Variants in LRCH2 observed in about 807,000 individuals in gnomAD.
LRCH2 encodes leucine rich repeats and calponin homology domain containing 2, also known as leucine-rich repeat and calponin homology domain-containing protein 2.
A neutral mutation model predicts 68.9 loss-of-function variants in LRCH2; 38 were observed. The observed-to-expected ratio is 0.55, with a 90% confidence interval of 0.43 to 0.72. The LOEUF (loss-of-function observed/expected upper bound fraction) is 0.72, where lower values mean the gene tolerates loss of function less well. Among genes scored for constraint, LRCH2 ranks in the 30% least tolerant of loss-of-function variants. The probability of loss-of-function intolerance (pLI) is 0.00; values close to 1 mark genes in which losing one functional copy is unlikely to be tolerated. For missense variants in LRCH2, 528 were observed against 572.9 expected, an observed-to-expected ratio of 0.92 and a Z score of 0.80; for synonymous variants, 191 against 208.1, an observed-to-expected ratio of 0.92 and a Z score of 0.71.
At chrX:115,145,611 A>G (rs2072375248) in intron 14 of LRCH2, among the ~76,000 whole-genome samples, 1 of 112,156 alleles carries the variant, frequency 8.9e-6, no homozygotes, top group African/African-American at 3.2e-5. Flanking sequence ...TAATAGTTAG[A>G]TTAAAACATG....
chrX:115,117,201 A>G (rs1556524355), intron 20 of LRCH2, among the ~76,000 whole-genome samples: 1 of 111,814 alleles, frequency 8.9e-6, no homozygotes, highest in African/African-American at 3.2e-5. Context: ...GATCGGCATC[A>G]TTAGTCTTTA....
In LRCH2 at chrX:115,162,149, G is replaced by T. The variant is rs1165790091; in HGVS notation, c.1463+1527C>A. Among the ~76,000 whole-genome samples, 3 of 110,205 alleles carry T rather than the reference G, an allele frequency of 2.7e-5. No homozygotes were observed. The Admixed American group carries it at 2.9e-4, about 11-fold the overall frequency. On this transcript the variant is annotated intron_variant, in intron 11 of 20. Coordinates refer to ENST00000317135, the MANE Select transcript of LRCH2 (RefSeq NM_020871.4). ...TTGCCCAGGCTGGTCTTGCACTCCT[G>T]AGCTCAAGCGATCCACCCACCTCGG...
chrX:115,130,030 A>G (rs1397766730), intron 15 of LRCH2, 125 bp downstream of exon 15: 1 of 378,863 alleles, frequency 2.6e-6, no homozygotes, highest in South Asian at 5.1e-5. Flanking sequence ...TTTATTGTTG[A>G]AAAAAAACCA....
intron 14 of LRCH2, among the ~76,000 whole-genome samples, chrX:115,143,155 A>T (rs1332617743): frequency 8.9e-6 from 1 of 111,748 alleles, no homozygotes; most frequent in African/African-American, 3.3e-5. Context: ...AGAAATAAAT[A>T]AATTTGAAAT....
intron 14 of LRCH2, among the ~76,000 whole-genome samples, chrX:115,145,490 A>T (rs1331065548): frequency 9.0e-6 from 1 of 111,401 alleles, no homozygotes; most frequent in Admixed American, 9.6e-5. Context: ...AGGAAACAAG[A>T]AAGTGAAGAG....
chrX:115,152,331 T>C lies in LRCH2; in HGVS notation c.1530-2261A>G, dbSNP rs782393132. ...GAACAAAAGTCAAAAGTATGTATAA[T>C]AATACAATATCCACACTCAAGAATG... is the stretch of plus-strand genomic sequence containing the variant. On this transcript the variant is annotated intron_variant, in intron 12 of 20. Coordinates refer to ENST00000317135, the MANE Select transcript of LRCH2 (RefSeq NM_020871.4). 1.3e-4 allele frequency among the ~76,000 whole-genome samples: 15 copies of C among 112,009 alleles called. No individual in the cohort carries two copies. The East Asian group carries it at 3.7e-3, about 27-fold the overall frequency.
At chrX:115,170,494 T>C in intron 5 of LRCH2, 62 bp from the exon 6 acceptor site, 1 of 917,731 alleles carries the variant, frequency 1.1e-6, no homozygotes, top group East Asian at 3.7e-5. Context: ...TCTATCATTT[T>C]AAACCATTCA....
intron 1 of LRCH2, among the ~76,000 whole-genome samples, chrX:115,197,847 T>TCTCTCACA (rs782358260): frequency 3.7e-3 from 77 of 20,562 alleles, no homozygotes; most frequent in South Asian, 0.012. Context: ...TCTCTCTCTC[T>TCTCTCACA]CACACACACA....
At chrX:115,139,371 A>T in intron 14 of LRCH2, among the ~76,000 whole-genome samples, 1 of 112,646 alleles carries the variant, frequency 8.9e-6, no homozygotes, top group Non-Finnish European at 1.9e-5. Flanking sequence ...AATGAGATAC[A>T]TTTGAAGACA....
intron 14 of LRCH2, among the ~76,000 whole-genome samples, chrX:115,132,691 T>C (rs1368655722): frequency 9.0e-6 from 1 of 111,704 alleles, no homozygotes; most frequent in Non-Finnish European, 1.9e-5. Context: ...AGAATCTCAA[T>C]ATGCCTTCAA....
intron 11 of LRCH2, among the ~76,000 whole-genome samples, chrX:115,159,474 C>G (rs1603047704): frequency 9.1e-6 from 1 of 110,285 alleles, no homozygotes; most frequent in Non-Finnish European, 1.9e-5. Context: ...AATTCAGGCC[C>G]GGCGCGGTGG....
At chrX:115,227,288 T>C (rs1395739413) in intron 1 of LRCH2, among the ~76,000 whole-genome samples, 1 of 103,542 alleles carries the variant, frequency 9.7e-6, no homozygotes, top group Non-Finnish European at 2.0e-5. Flanking sequence ...CAAGGCCTTG[T>C]CTCTTAAAAA....
intron 1 of LRCH2, chrX:115,191,379 G>C: frequency 1.8e-6 from 2 of 1,142,253 alleles, no homozygotes; most frequent in Non-Finnish European, 2.3e-6. Flanking sequence ...GAGGCCGCTC[G>C]CCTGATGCCT....
At chrX:115,190,311 G>C (rs949637880) in intron 1 of LRCH2, 8 of 1,155,394 alleles carry the variant, frequency 6.9e-6, no homozygotes, top group Non-Finnish European at 9.2e-6. Flanking sequence ...GCGACCATGA[G>C]TACACAGATC....
rs782650451 is a variant in LRCH2 at position 115,128,960 on chromosome X, A to G, written c.1740+1195T>C. Among the ~76,000 whole-genome samples the G allele has an allele frequency of 1.4e-4, 16 of 112,367 alleles. 1 individual carries two copies. In the South Asian group the frequency reaches 5.2e-3, roughly 36 times the overall value. ...AAAGCTCACCTGGTAATTTTAGTGT[A>G]CAGCCAAAGTTGAGAGCCACTACAC... On this transcript the variant is annotated intron_variant, in intron 15 of 20. Transcript: ENST00000317135.
intron 14 of LRCH2, among the ~76,000 whole-genome samples, chrX:115,145,544 G>A (rs2072374696): frequency 9.0e-6 from 1 of 111,174 alleles, no homozygotes; most frequent in Non-Finnish European, 1.9e-5. Context: ...CTACCCATAT[G>A]ACAAGGAATT....
chrX:115,179,030 A>G (rs1463535881), intron 5 of LRCH2, among the ~76,000 whole-genome samples: 1 of 112,212 alleles, frequency 8.9e-6, no homozygotes. Context: ...AAAAGTCATA[A>G]TTAATATTTT....
chrX:115,160,049 G>A (rs1569513940), intron 11 of LRCH2, among the ~76,000 whole-genome samples: 2 of 111,515 alleles, frequency 1.8e-5, no homozygotes, highest in Non-Finnish European at 3.8e-5. Context: ...CAGGCGTGGT[G>A]GCTCACACCT....
chrX:115,137,356 C>A (rs890091408), intron 14 of LRCH2, among the ~76,000 whole-genome samples: 1 of 109,310 alleles, frequency 9.1e-6, no homozygotes, highest in Non-Finnish European at 1.9e-5. Flanking sequence ...ATTTAGGGAA[C>A]AGAAAAAAAG....
Sources: gnomAD v4.1 joint callset for allele counts (sites outside exome capture counted in the v4.1 genomes callset) on GRCh38, gnomAD v4.1.1 for gene constraint, MANE v1.5 for transcripts, NCBI Gene and HGNC (gene_info 2026-07-23, HGNC 2026-07-21) for gene names.